Variants in LILRA5 observed in about 807,000 individuals in gnomAD.
The protein encoded by LILRA5 is leukocyte immunoglobulin like receptor A5.
Under a neutral mutation model 36.3 loss-of-function variants are expected in LILRA5, and 31 were observed. The observed-to-expected ratio is 0.85, with a 90% CI of 0.64 to 1.15. The LOEUF is 1.15. Among genes scored for constraint, LILRA5 ranks in the 50% most tolerant of loss-of-function variants. The pLI, the probability that LILRA5 is intolerant of heterozygous loss-of-function variation, is 0.00. For synonymous variants in LILRA5, 144 were observed against 144.8 expected, an observed-to-expected ratio of 0.99 and a Z score of 0.04; for missense variants, 348 against 377.4, an observed-to-expected ratio of 0.92 and a Z score of 0.64.
Position 54,307,432 on chromosome 19 carries a change from T to C in LILRA5, c.881A>G (p.Gln294Arg), listed in dbSNP as rs1295638847. 1.2e-6 allele frequency: 2 copies of C among 1,612,744 alleles called. No individual in the cohort carries two copies. Among genetic ancestry groups the C allele is most frequent in the Admixed American group, 3.3e-5 (2 of 59,844 alleles). ...TTCTGTTCACCTTCCAGCTGCAGCT[T>C]GGGGGCTTCTCTGGCTGTGCCAATC... ...FQDWHSQRSP[Q>R]AAAGR The change falls in exon 7 of 7, where the codon CAA (glutamine) becomes CGA (arginine). Residue 294 changes from glutamine (Q) to arginine (R), a missense_variant. Gln to Arg is a conservative substitution (Grantham distance 43). Transcript: ENST00000432233.
intron 1 of LILRA5, 54 bp downstream of exon 1, chr19:54,312,963 G>A (rs1044594477): frequency 1.7e-5 from 27 of 1,613,120 alleles, no homozygotes; most frequent in Non-Finnish European, 2.0e-5. Context: ...CTCCCCATGG[G>A]GTCTCCCTCC....
intron 1 of LILRA5, 167 bp downstream of exon 1, chr19:54,312,850 T>C (rs1423032750): frequency 1.1e-6 from 1 of 891,568 alleles, no homozygotes; most frequent in Non-Finnish European, 1.8e-6. Flanking sequence ...GTCTGCCTGA[T>C]TTATCTTTAT....
rs781003890 is a variant in LILRA5, at chr19:54,311,921, A to G, written c.352T>C (p.Tyr118His). The change falls in exon 4 of 7, where the codon TAC becomes CAC. Residue 118 changes from tyrosine (Y) to histidine (H), a missense_variant. Transcript: ENST00000432233. ...EHHAGRYRCYYYSPAGWSEPS... is the reference protein window; with the variant it reads ...EHHAGRYRCYHYSPAGWSEPS... ...TCTGACCAGCCTGCAGGGCTGTAGT[A>G]GTAACAGCGGTATCTCCCTGCATGG... 6.2e-7 allele frequency: 1 copy of G among 1,614,184 alleles called. No homozygotes were observed. Among genetic ancestry groups the G allele is most frequent in the Admixed American group, 1.7e-5 (1 of 60,026 alleles).
intron 2 of LILRA5, 75 bp downstream of exon 2, chr19:54,312,462 A>G: frequency 1.2e-6 from 2 of 1,613,876 alleles, no homozygotes; most frequent in Non-Finnish European, 1.7e-6. Flanking sequence ...GAGTTTCCTG[A>G]TAGACAAGGG....
Position 54,312,043 on chromosome 19 carries a change from C to A in LILRA5, c.230G>T (p.Arg77Leu), listed in dbSNP as rs146444616. The A allele has an allele frequency of 3.1e-6, 5 of 1,614,034 alleles. No homozygotes were observed. The African/African-American group carries it at 6.7e-5, about 22-fold the overall frequency. Reference protein sequence around the residue: ...CQGTLEAQEYRLVKEGSPEPW... With the variant: ...CQGTLEAQEYLLVKEGSPEPW... The stretch of plus-strand genomic sequence containing the variant: ...TTCTGGGCTTCCCTCTTTAACCAGA[C>A]GGTATTCCTGGGCCTCCAGGGTCCC... Residue 77 changes from arginine (R) to leucine (L), a missense_variant, in exon 4 of 7, where the codon CGT becomes CTT. Physicochemically the swap from Arg to Leu is moderately radical, Grantham distance 102. Transcript: ENST00000432233.
chr19:54,307,924 A>T, intron 5 of LILRA5, 176 bp from the exon 6 acceptor site: 1 of 604,336 alleles, frequency 1.7e-6, no homozygotes. Context: ...TCCTCACTGA[A>T]TTATTTCAGC....
chr19:54,312,946 TC>T, intron 1 of LILRA5, 70 bp downstream of exon 1: 17 of 1,607,042 alleles, frequency 1.1e-5, no homozygotes, highest in Non-Finnish European at 1.4e-5. Flanking sequence ...CTCCTCCCTC[TC>T]AGAGCCTCCC....
In LILRA5 at chr19:54,307,299, G is replaced by T; in HGVS notation, c.*114C>A. The T allele has an allele frequency of 2.6e-6, 2 of 769,334 alleles. No individual in the cohort carries two copies. Among genetic ancestry groups the T allele is most frequent in the Non-Finnish European group, 3.7e-6 (2 of 535,394 alleles). The allele number at this position is 769,334 out of a possible 1,614,324, so 47.7% of individuals were successfully genotyped here. A position where few individuals can be genotyped will look rare whatever the true frequency, so the allele number is the denominator to read the frequency against. ...AAGAAAAGAAAGAAAAAAAGAAATT[G>T]CCAGCAGACAGTCCAGATGGCATAG... is the stretch of plus-strand genomic sequence containing the variant. On this transcript the variant is annotated 3_prime_UTR_variant, in exon 7 of 7. Transcript: ENST00000432233.
In LILRA5 at chr19:54,311,998, G is replaced by T; in HGVS notation, c.275C>A (p.Pro92Gln). 1 of 1,614,184 alleles carries T rather than the reference G, an allele frequency of 6.2e-7. No individual in the cohort carries two copies. The change falls in exon 4 of 7, where the codon CCA becomes CAA. Residue 92 changes from proline (P) to glutamine (Q), a missense_variant. Coordinates refer to ENST00000432233, the MANE Select transcript of LILRA5 (RefSeq NM_021250.4). Reference protein sequence around the residue: ...GSPEPWDTQNPLEPKNKARFS... With the variant: ...GSPEPWDTQNQLEPKNKARFS... ...TCTGGCCTTGTTCTTGGGCTCCAGT[G>T]GGTTCTGTGTGTCCCAGGGTTCTGG...
rs148309852 is a variant in LILRA5, at chr19:54,311,421, C to G, written c.705G>C (p.Pro235=). 1 of 1,614,178 alleles carries G rather than the reference C, an allele frequency of 6.2e-7. No homozygotes were observed. The highest frequency in any genetic ancestry group is 8.5e-7 in the Non-Finnish European group (1 of 1,180,024). The change falls in exon 5 of 7, where the codon CCG becomes CCC. Residue 235 remains proline (P), a synonymous_variant. Transcript: ENST00000432233. ...WSEPSDLLEI[P]VSGAADNLSP... ...AGACTGTGGCTTCCTCACCTGAGAC[C>G]GGAATCTCCAGGAGGTCACTGGGTT...
chr19:54,311,861 C>T lies in LILRA5; in HGVS notation c.409+3G>A. 1 of 1,614,180 alleles carries T rather than the reference C, an allele frequency of 6.2e-7. No homozygotes were observed. Among genetic ancestry groups the T allele is most frequent in the Non-Finnish European group, 8.5e-7 (1 of 1,180,016 alleles). On this transcript the variant is annotated splice_donor_region_variant and intron_variant, in intron 4 of 6. Transcript: ENST00000432233. ...GAGCTGGGACCCCAGAGTGTCCTCT[C>T]ACCTGTCACCACCAGCTCCAGGGGG...
intron 5 of LILRA5, chr19:54,310,053 TC>T: frequency 3.2e-6 from 1 of 307,964 alleles, no homozygotes. Context: ...CACCGTCAGA[TC>T]CCACCGAGGC....
At chr19:54,312,950 A>G (rs1482484207) in intron 1 of LILRA5, 67 bp downstream of exon 1, 1 of 1,608,522 alleles carries the variant, frequency 6.2e-7, no homozygotes, top group Non-Finnish European at 8.5e-7. Flanking sequence ...TCCCTCTCAG[A>G]GCCTCCCCAT....
At chr19:54,310,778 A>G (rs2080993277) in intron 5 of LILRA5, 1 of 259,996 alleles carries the variant, frequency 3.8e-6, no homozygotes, top group Non-Finnish European at 8.1e-6. Flanking sequence ...AACCTGTCAT[A>G]GCCAACATCA....
At chr19:54,308,188 A>G (rs2080919450) in intron 5 of LILRA5, 1 of 171,004 alleles carries the variant, frequency 5.8e-6, no homozygotes, top group South Asian at 1.4e-4. Flanking sequence ...GAAAGTCAGA[A>G]TCACAAACAG....
chr19:54,311,728 G>A lies in LILRA5; in HGVS notation c.410-12C>T, dbSNP rs1263550545. ...TTTGTTGTAGAATCCTAGGAGAGAA[G>A]GAGGCACCGTGTTAAATGGGGCTCC... is the stretch of plus-strand genomic sequence containing the variant. On this transcript the variant is annotated splice_polypyrimidine_tract_variant and intron_variant, in intron 4 of 6. Transcript: ENST00000432233. The A allele has an allele frequency of 3.1e-6, 5 of 1,610,760 alleles. No individual in the cohort carries two copies. Among genetic ancestry groups the A allele is most frequent in the Admixed American group, 1.7e-5 (1 of 59,948 alleles).
chr19:54,311,069 C>T (rs1601183666), intron 5 of LILRA5: 3 of 349,270 alleles, frequency 8.6e-6, no homozygotes. Flanking sequence ...GATTCTCCTG[C>T]CTCAGCCTCC....
At chr19:54,312,671 C>T (rs1431763991) in intron 1 of LILRA5, 50 bp from the exon 2 acceptor site, 2 of 1,556,292 alleles carry the variant, frequency 1.3e-6, no homozygotes, top group Non-Finnish European at 1.8e-6. Context: ...AGGCTGGGTC[C>T]TTCTTGTCAT....
chr19:54,310,663 C>T (rs574629420), intron 5 of LILRA5: 2 of 269,212 alleles, frequency 7.4e-6, no homozygotes, highest in African/African-American at 2.3e-5. Flanking sequence ...AATGAGGGGG[C>T]TTTGGGGGTC....
Sources: gnomAD v4.1 joint callset for allele counts on GRCh38, gnomAD v4.1.1 for gene constraint, MANE v1.5 for transcripts, NCBI Gene and HGNC (gene_info 2026-07-23, HGNC 2026-07-21) for gene names.